IKZF3: variants seen among roughly 807,000 people sequenced by gnomAD.
IKZF3 encodes zinc finger protein Aiolos.
IKZF3 carries 10 observed loss-of-function variants against 49.0 expected under a neutral mutation model. That is an observed-to-expected ratio of 0.20 (90% CI 0.13 to 0.35). The LOEUF (loss-of-function observed/expected upper bound fraction) is 0.35. IKZF3 is among the 10% of genes least tolerant of loss of function. The pLI is 1.00. For missense variants in IKZF3, 498 were observed against 664.8 expected, an observed-to-expected ratio of 0.75 and a Z score of 2.76; for synonymous variants, 209 against 228.2, an observed-to-expected ratio of 0.92 and a Z score of 0.76.
chr17:39,802,347 C>A (rs2061340830), intron 3 of IKZF3, among the ~76,000 whole-genome samples: 2 of 151,216 alleles, frequency 1.3e-5, no homozygotes. Flanking sequence ...TAGCTTACAT[C>A]TGTAACTCCA....
intron 5 of IKZF3, among the ~76,000 whole-genome samples, chr17:39,789,685 G>A (rs1289582218): frequency 2.0e-5 from 3 of 151,450 alleles, no homozygotes; most frequent in Non-Finnish European, 4.4e-5. Flanking sequence ...CTGAGATGGC[G>A]CCGCTGTACT....
At position 39,766,507 on chromosome 17, in the gene IKZF3, CAGAA is replaced by C; in HGVS notation, c.827-18_827-15del. On this transcript the variant is annotated splice_polypyrimidine_tract_variant and intron_variant, in intron 7 of 7. Transcript: ENST00000346872. Reference sequence around the variant, plus strand: ...GGCGCTTCTCACCTGGAACAAGTGACAGAAAGGGTTACAAAGGGAACACTGCCAA... The same window carrying C: ...GGCGCTTCTCACCTGGAACAAGTGACAGGGTTACAAAGGGAACACTGCCAA... 6.3e-7 allele frequency: 1 copy of C among 1,588,410 alleles called. No individual in the cohort carries two copies. The highest frequency in any genetic ancestry group is 8.6e-7 in the Non-Finnish European group (1 of 1,165,246).
chr17:39,862,031 G>T (rs186210879), intron 1 of IKZF3, among the ~76,000 whole-genome samples: 1 of 152,276 alleles, frequency 6.6e-6, no homozygotes, highest in Admixed American at 6.5e-5. Context: ...ATAACAGACA[G>T]AAGAGATGTT....
chr17:39,821,219 G>A (rs2144201001), intron 3 of IKZF3, among the ~76,000 whole-genome samples: 1 of 152,210 alleles, frequency 6.6e-6, no homozygotes, highest in African/African-American at 2.4e-5. Flanking sequence ...CTTAACCTGT[G>A]TGGTCTGTAC....
At chr17:39,852,543 T>A (rs2062908708) in intron 1 of IKZF3, among the ~76,000 whole-genome samples, 1 of 152,186 alleles carries the variant, frequency 6.6e-6, no homozygotes, top group Non-Finnish European at 1.5e-5. Flanking sequence ...TTTCTTCCTG[T>A]CTCACTGACT....
intron 1 of IKZF3, chr17:39,835,005 A>G (rs952492229): frequency 4.4e-5 from 18 of 409,088 alleles, no homozygotes; most frequent in Non-Finnish European, 8.5e-5. Context: ...CCAGCTTCCC[A>G]TCGTGGTCTT....
intron 7 of IKZF3, among the ~76,000 whole-genome samples, chr17:39,769,623 C>A (rs530268554): frequency 6.6e-6 from 1 of 152,170 alleles, no homozygotes; most frequent in Non-Finnish European, 1.5e-5. Flanking sequence ...GAATGTGACA[C>A]AGAAATGATG....
intron 2 of IKZF3, 31 bp from the exon 3 acceptor site, chr17:39,829,519 G>T: frequency 6.8e-7 from 1 of 1,473,756 alleles, no homozygotes. Context: ...TAAGTATGTG[G>T]TTCAACGTTA....
intron 1 of IKZF3, among the ~76,000 whole-genome samples, chr17:39,837,320 G>A (rs1212269703): frequency 6.6e-6 from 1 of 152,048 alleles, no homozygotes; most frequent in East Asian, 1.9e-4. Context: ...ATTTTTAATA[G>A]TGCAATTATC....
At chr17:39,853,562 G>A (rs2144541380) in intron 1 of IKZF3, among the ~76,000 whole-genome samples, 1 of 152,248 alleles carries the variant, frequency 6.6e-6, no homozygotes, top group Admixed American at 6.5e-5. Context: ...CAGGCCAGGA[G>A]CGGTGGTTCA....
At chr17:39,831,892 T>C (rs1334892092) in intron 2 of IKZF3, among the ~76,000 whole-genome samples, 2 of 152,190 alleles carry the variant, frequency 1.3e-5, no homozygotes, top group African/African-American at 4.8e-5. Flanking sequence ...CATTAGGTAG[T>C]GTATGTTTGG....
At chr17:39,791,640 C>A in intron 4 of IKZF3, 57 bp from the exon 5 acceptor site, 1 of 1,547,424 alleles carries the variant, frequency 6.5e-7, no homozygotes, top group Non-Finnish European at 8.9e-7. Context: ...GAAACATATG[C>A]ACAGATTAGA....
chr17:39,835,781 C>T (rs879145629), intron 1 of IKZF3: 2 of 513,224 alleles, frequency 3.9e-6, no homozygotes, highest in South Asian at 3.2e-5. Flanking sequence ...CTCCATCCAG[C>T]TCCACCCTAT....
chr17:39,788,189 TTTAC>T, intron 6 of IKZF3, 65 bp downstream of exon 6: 1 of 913,228 alleles, frequency 1.1e-6, no homozygotes, highest in Non-Finnish European at 1.8e-6. Flanking sequence ...CACGAGTCTT[TTTAC>T]TTACTATTGT....
intron 3 of IKZF3, among the ~76,000 whole-genome samples, chr17:39,825,515 G>C (rs993308571): frequency 1.3e-5 from 2 of 152,138 alleles, no homozygotes; most frequent in Admixed American, 6.5e-5. Flanking sequence ...TAATAATTCT[G>C]GTGGGCTCTA....
Position 39,782,411 on chromosome 17 carries a change from CA to C in IKZF3, c.710-4645del, listed in dbSNP as rs1300120422. On this transcript the variant is annotated intron_variant, in intron 6 of 7. Coordinates refer to ENST00000346872, the MANE Select transcript of IKZF3 (RefSeq NM_012481.5). The stretch of plus-strand genomic sequence containing the variant: ...TGTCTCTAAACAACAACAACAACAA[CA>C]ACACACACACACACACACATATCAC... Among the ~76,000 whole-genome samples, 28 of 148,462 alleles carry C rather than the reference CA, an allele frequency of 1.9e-4. No individual in the cohort carries two copies. In the South Asian group the frequency reaches 5.8e-3, roughly 31 times the overall value.
At chr17:39,789,688 G>C (rs1234056042) in intron 5 of IKZF3, among the ~76,000 whole-genome samples, 1 of 145,468 alleles carries the variant, frequency 6.9e-6, no homozygotes, top group African/African-American at 2.6e-5. Context: ...AGATGGCGCC[G>C]CTGTACTCCA....
intron 1 of IKZF3, among the ~76,000 whole-genome samples, chr17:39,850,498 G>A (rs1309000826): frequency 9.6e-6 from 1 of 104,482 alleles, no homozygotes; most frequent in Non-Finnish European, 1.8e-5. Flanking sequence ...TATTATACAT[G>A]TACATATAAT....
At chr17:39,863,195 C>G (rs2063263204) in intron 1 of IKZF3, among the ~76,000 whole-genome samples, 1 of 151,724 alleles carries the variant, frequency 6.6e-6, no homozygotes, top group African/African-American at 2.4e-5. Context: ...TTTTCAAGCC[C>G]TAATTAAAAA....
Sources: gnomAD v4.1 joint callset for allele counts (sites outside exome capture counted in the v4.1 genomes callset) on GRCh38, gnomAD v4.1.1 for gene constraint, MANE v1.5 for transcripts, NCBI Gene and HGNC (gene_info 2026-07-23, HGNC 2026-07-21) for gene names.